The following LPO variants were observed in gnomAD, a reference collection of about 807,000 sequenced individuals.
LPO encodes lactoperoxidase, also known as salivary peroxidase.
In LPO, 70 loss-of-function variants were observed where a neutral mutation model predicts 68.4. The ratio of observed to expected loss-of-function variants is 1.02; its 90% confidence interval spans 0.84 to 1.25. The LOEUF (loss-of-function observed/expected upper bound fraction) is 1.25, where lower values mean the gene tolerates loss of function less well. LPO is among the 50% of genes most tolerant of loss of function. LPO has a pLI of 0.00. For synonymous variants in LPO, 360 were observed against 357.6 expected (o/e 1.01, Z -0.08); for missense variants, 873 against 908.4 (o/e 0.96, Z 0.50).
At chr17:58,243,155 G>C in intron 2 of LPO, 100 bp downstream of exon 2, 1 of 1,196,450 alleles carries the variant, frequency 8.4e-7, no homozygotes, top group Non-Finnish European at 1.2e-6. Flanking sequence ...CAGTACGGGA[G>C]GATAGAAGTC....
intron 8 of LPO, 65 bp from the exon 9 acceptor site, chr17:58,254,746 T>G: frequency 6.5e-7 from 1 of 1,549,204 alleles, no homozygotes; most frequent in Non-Finnish European, 8.8e-7. Context: ...ATCATTTCTT[T>G]GTGCAGGTTA....
At position 58,249,107 on chromosome 17, in the gene LPO, G is replaced by C. The variant is rs1969906368; in HGVS notation, c.373G>C (p.Ala125Pro). 2 of 1,614,194 alleles carry C rather than the reference G, an allele frequency of 1.2e-6. No homozygotes were observed. The highest frequency in any genetic ancestry group is 1.7e-6 in the Non-Finnish European group (2 of 1,180,024). The part of the protein sequence containing the change: ...TSLSLEVGCG[A>P]PAPVVRCDPC... Reference sequence around the variant, plus strand: ...ACTGTCTCTGGAGGTGGGCTGTGGTGCTCCTGCTCCCGTGGTGAGATGCGA... The same window carrying C: ...ACTGTCTCTGGAGGTGGGCTGTGGTCCTCCTGCTCCCGTGGTGAGATGCGA... The change falls in exon 5 of 13, where the codon GCT becomes CCT. Residue 125 changes from alanine (A) to proline (P), a missense_variant. Physicochemically the swap from Ala to Pro is conservative, Grantham distance 27. Transcript: ENST00000262290.
At position 58,254,845 on chromosome 17, in the gene LPO, C is replaced by G. The variant is rs1356406449; in HGVS notation, c.1140C>G (p.Ala380=). ...GAGCCTCAGAGCATATTCTGCTGGC[C>G]ACATCCCACACCCTCTTTCTCCGCG... ...DSRASEHILL[A]TSHTLFLREH... is the part of the protein sequence containing the mutation. The change falls in exon 9 of 13, where the codon GCC becomes GCG. Residue 380 remains alanine (A), a synonymous_variant. Transcript: ENST00000262290. 3 of 1,614,004 alleles carry G rather than the reference C, an allele frequency of 1.9e-6. No homozygotes were observed. The highest frequency in any genetic ancestry group is 2.5e-6 in the Non-Finnish European group (3 of 1,180,018).
chr17:58,248,929 G>A (rs1293902927), intron 4 of LPO, 131 bp from the exon 5 acceptor site: 5 of 745,958 alleles, frequency 6.7e-6, no homozygotes, highest in Non-Finnish European at 7.3e-6. Context: ...GAAACCACTT[G>A]AGAAACGCTT....
At chr17:58,240,230 T>G (rs1469903604) in intron 1 of LPO, among the ~76,000 whole-genome samples, 1 of 152,006 alleles carries the variant, frequency 6.6e-6, no homozygotes, top group Non-Finnish European at 1.5e-5. Context: ...AGAGCATGAG[T>G]AGAGGCATGG....
chr17:58,240,506 C>T (rs1050599348), intron 1 of LPO, among the ~76,000 whole-genome samples: 1 of 152,182 alleles, frequency 6.6e-6, no homozygotes, highest in Admixed American at 6.5e-5. Context: ...TCTTTCTGCA[C>T]ACCCCCTTTT....
intron 9 of LPO, among the ~76,000 whole-genome samples, chr17:58,262,196 T>G (rs1275746817): frequency 1.3e-5 from 2 of 152,244 alleles, no homozygotes; most frequent in Non-Finnish European, 2.9e-5. Flanking sequence ...GATAGGTCTG[T>G]GTGCAGCAAA....
At chr17:58,255,748 C>T (rs1000549128) in intron 9 of LPO, among the ~76,000 whole-genome samples, 2 of 152,156 alleles carry the variant, frequency 1.3e-5, no homozygotes, top group Admixed American at 1.3e-4. Flanking sequence ...ACCCAGTCTC[C>T]TCCTTACATT....
chr17:58,252,097 TG>T (rs1249776903), intron 7 of LPO, 84 bp from the exon 8 acceptor site: 1 of 1,285,880 alleles, frequency 7.8e-7, no homozygotes, highest in Non-Finnish European at 1.1e-6. Flanking sequence ...TCAGCATCTT[TG>T]CATCCAGACT....
chr17:58,251,868 C>A, intron 7 of LPO: 1 of 627,442 alleles, frequency 1.6e-6, no homozygotes, highest in Admixed American at 1.8e-5. Flanking sequence ...TATTAACAAA[C>A]CTGTTCCCAC....
rs1241445883 is a variant in LPO, at chr17:58,264,806, T to C, written c.1351T>C (p.Ser451Pro). Residue 451 changes from serine to proline, a missense_variant, in exon 10 of 13, where the codon TCT becomes CCT. Physicochemically the swap from Ser to Pro is moderately conservative, Grantham distance 74 (BLOSUM62 -1). Transcript: ENST00000262290. Reference sequence around the variant, plus strand: ...ACCCCCATATCAAGGCTACAGTGAATCTGTGGATCCCAGAATTTCCAATGT... The same window carrying C: ...ACCCCCATATCAAGGCTACAGTGAACCTGTGGATCCCAGAATTTCCAATGT... ...WIPPYQGYSE[S>P]VDPRISNVFT... is the part of the protein sequence containing the mutation. 6.2e-7 allele frequency: 1 copy of C among 1,614,272 alleles called. No individual in the cohort carries two copies.
At chr17:58,259,637 G>A (rs192962940) in intron 9 of LPO, among the ~76,000 whole-genome samples, 3 of 152,284 alleles carry the variant, frequency 2.0e-5, no homozygotes, top group East Asian at 3.9e-4. Flanking sequence ...GATAGAAATT[G>A]CATTAAAATT....
At chr17:58,244,326 T>C in intron 3 of LPO, 1 of 492,886 alleles carries the variant, frequency 2.0e-6, no homozygotes, top group South Asian at 3.3e-5. Context: ...AATCTAACCC[T>C]AGAAGGACTT....
At position 58,264,975 on chromosome 17, in the gene LPO, G is replaced by A; in HGVS notation, c.1519+1G>A. ...AACACTTGGAGGATGGTCAAAGATG[G>A]TATGCCCTTTCAGGGAAGTGCTGTC... On this transcript the variant is annotated splice_donor_variant, in intron 10 of 12. Transcript: ENST00000262290. LOFTEE classifies it high-confidence loss of function. 1 of 1,613,670 alleles carries A rather than the reference G, an allele frequency of 6.2e-7. No homozygotes were observed. The highest frequency in any genetic ancestry group is 8.5e-7 in the Non-Finnish European group (1 of 1,179,634).
At chr17:58,240,504 C>A (rs932102666) in intron 1 of LPO, among the ~76,000 whole-genome samples, 3 of 152,198 alleles carry the variant, frequency 2.0e-5, no homozygotes, top group Admixed American at 6.5e-5. Flanking sequence ...AATCTTTCTG[C>A]ACACCCCCTT....
intron 1 of LPO, among the ~76,000 whole-genome samples, chr17:58,240,077 T>A (rs1007371857): frequency 6.6e-6 from 1 of 152,118 alleles, no homozygotes; most frequent in Non-Finnish European, 1.5e-5. Flanking sequence ...GAGATATGGA[T>A]GAAATACTGT....
At position 58,247,544 on chromosome 17, in the gene LPO, C is replaced by T. The variant is rs746886715; in HGVS notation, c.231C>T (p.Ala77=). 3.7e-6 allele frequency: 6 copies of T among 1,614,176 alleles called. No homozygotes were observed. The highest frequency in any genetic ancestry group is 5.1e-6 in the Non-Finnish European group (6 of 1,180,042). The change falls in exon 4 of 13, where the codon GCC becomes GCT. Residue 77 remains alanine (A), a synonymous_variant. Coordinates refer to ENST00000262290, the MANE Select transcript of LPO (RefSeq NM_006151.3). ...AGCTCTCAGAATACCTCAAGCATGC[C>T]AAAGGCCGGACGCGCACAGCCATCC... ...SRQLSEYLKH[A]KGRTRTAIRN...
Position 58,249,632 on chromosome 17 carries a change from C to G in LPO, c.510C>G (p.Asp170Glu). 1.2e-6 allele frequency: 2 copies of G among 1,601,262 alleles called. No individual in the cohort carries two copies. Among genetic ancestry groups the G allele is most frequent in the African/African-American group, 1.3e-5 (1 of 74,792 alleles). ...GCTGGCTGCCCGCGGAGTACGAGGA[C>G]GGGCTCTCCCTGCCCTTCGGCTGGA... ...LARWLPAEYE[D>E]GLSLPFGWTP... The change falls in exon 6 of 13, where the codon GAC becomes GAG. Residue 170 changes from aspartate to glutamate, a missense_variant. Physicochemically the swap from Asp to Glu is conservative, Grantham distance 45 (BLOSUM62 2). Transcript: ENST00000262290.
intron 1 of LPO, among the ~76,000 whole-genome samples, chr17:58,242,536 C>T (rs1270560828): frequency 1.3e-5 from 2 of 152,166 alleles, no homozygotes; most frequent in African/African-American, 4.8e-5. Context: ...AAGGCAGGCT[C>T]CAGCCTTGGT....
Sources: allele counts gnomAD v4.1 joint callset (sites outside exome capture counted in the v4.1 genomes callset), GRCh38; gene constraint gnomAD v4.1.1; transcripts MANE v1.5; gene names NCBI Gene and HGNC (gene_info 2026-07-23, HGNC 2026-07-21).